Variants in INPP4B observed in about 807,000 individuals in gnomAD.
The protein encoded by INPP4B is inositol polyphosphate 4-phosphatase type II.
Under a neutral mutation model 122.5 loss-of-function variants are expected in INPP4B, and 55 were observed. The observed-to-expected ratio is 0.45, with a 90% CI of 0.36 to 0.56. The LOEUF (loss-of-function observed/expected upper bound fraction) is 0.56. Among genes scored for constraint, INPP4B ranks in the 20% least tolerant of loss-of-function variants. The pLI is 0.00. For synonymous variants in INPP4B, 403 were observed against 388.7 expected (o/e 1.04, Z -0.43); for missense variants, 1,000 against 1,097.7 (o/e 0.91, Z 1.26).
chr4:142,306,534 G>A (rs1763434448), intron 8 of INPP4B, among the ~76,000 whole-genome samples: 1 of 152,138 alleles, frequency 6.6e-6, no homozygotes, highest in Non-Finnish European at 1.5e-5. Context: ...AAGAATTTGA[G>A]GGTAATGGCA....
intron 2 of INPP4B, among the ~76,000 whole-genome samples, chr4:142,554,365 T>TAAAA (rs11363091): frequency 1.6e-5 from 2 of 123,524 alleles, no homozygotes; most frequent in African/African-American, 6.2e-5. Flanking sequence ...CTTGCAATAG[T>TAAAA]AAAAAAAAAA....
At chr4:142,197,087 T>C (rs2636688) in intron 14 of INPP4B, among the ~76,000 whole-genome samples, 16,773 of 123,452 alleles carry the variant, frequency 0.14, 1,301 homozygotes, top group Non-Finnish European at 0.19. Flanking sequence ...GATCGCGCCA[T>C]TGCACTCCAG....
intron 9 of INPP4B, among the ~76,000 whole-genome samples, chr4:142,302,065 A>G (rs1308798832): frequency 1.3e-5 from 2 of 152,150 alleles, no homozygotes; most frequent in Non-Finnish European, 2.9e-5. Flanking sequence ...GGTAGAGCAA[A>G]GGATTGTCAG....
intron 25 of INPP4B, among the ~76,000 whole-genome samples, chr4:142,069,042 C>T (rs953166796): frequency 1.3e-5 from 2 of 152,180 alleles, no homozygotes; most frequent in Admixed American, 1.3e-4. Context: ...CTTCTCAGCA[C>T]CACATCACAC....
intron 2 of INPP4B, among the ~76,000 whole-genome samples, chr4:142,687,580 A>T (rs1278426995): frequency 2.7e-5 from 4 of 150,702 alleles, no homozygotes; most frequent in Non-Finnish European, 4.4e-5. Flanking sequence ...AAAAAAAAAA[A>T]AATCCTTGAA....
rs111681875 is a variant in INPP4B at position 142,540,332 on chromosome 4, G to GTT, written c.-190-77608_-190-77607dup. The stretch of plus-strand genomic sequence containing the variant: ...TATGAAAAGGAGGAAGTTTTTTGGG[G>GTT]TTTTTTTTTTTCACCCAGGCTCAAT... On this transcript the variant is annotated intron_variant, in intron 2 of 25. Coordinates refer to ENST00000262992, the MANE Select transcript of INPP4B (RefSeq NM_001101669.3). Among the ~76,000 whole-genome samples the GTT allele has an allele frequency of 2.8e-4, 41 of 145,958 alleles. 1 individual carries two copies. Among genetic ancestry groups the GTT allele is most frequent in the African/African-American group, 1.0e-3 (40 of 40,046 alleles).
chr4:142,396,430 A>C (rs904288833), intron 7 of INPP4B, among the ~76,000 whole-genome samples: 2 of 152,144 alleles, frequency 1.3e-5, no homozygotes, highest in African/African-American at 4.8e-5. Flanking sequence ...CTTCATACCC[A>C]CTAAAATAGC....
At chr4:142,348,383 A>AT (rs1417924439) in intron 7 of INPP4B, among the ~76,000 whole-genome samples, 1 of 151,876 alleles carries the variant, frequency 6.6e-6, no homozygotes, top group African/African-American at 2.4e-5. Context: ...TAAGGAAAAT[A>AT]TTTTTTTCCA....
In INPP4B at chr4:142,028,531, C is replaced by G; in HGVS notation, c.*251G>C. 2.3e-6 allele frequency: 1 copy of G among 442,284 alleles called. No individual in the cohort carries two copies. Among genetic ancestry groups the G allele is most frequent in the Non-Finnish European group, 4.0e-6 (1 of 248,902 alleles). The allele number at this position is 442,284 out of a possible 1,614,324, so 27.4% of individuals were successfully genotyped here. A position where few individuals can be genotyped will look rare whatever the true frequency, so the allele number is the denominator to read the frequency against. ...TTACACTTTGTGAACCAATCTCAAT[C>G]AGCTAGGCTCAACACATAGAAGCTT... On this transcript the variant is annotated 3_prime_UTR_variant, in exon 26 of 26. Transcript: ENST00000262992.
intron 2 of INPP4B, among the ~76,000 whole-genome samples, chr4:142,725,284 C>T (rs948360905): frequency 3.9e-5 from 6 of 152,022 alleles, no homozygotes; most frequent in Admixed American, 6.6e-5. Flanking sequence ...TAATCAGGCA[C>T]GCTATTCAAC....
intron 2 of INPP4B, among the ~76,000 whole-genome samples, chr4:142,642,950 G>C (rs540851579): frequency 6.6e-6 from 1 of 152,288 alleles, no homozygotes; most frequent in East Asian, 1.9e-4. Flanking sequence ...TCATGGAGCA[G>C]TGGTTTGTAG....
chr4:142,366,456 G>A (rs369328025), intron 7 of INPP4B, among the ~76,000 whole-genome samples: 2 of 152,026 alleles, frequency 1.3e-5, no homozygotes, highest in Middle Eastern at 3.4e-3. Flanking sequence ...ATTAAAAGAC[G>A]CATTGAGTTT....
chr4:142,152,064 T>C (rs1406037493), intron 17 of INPP4B, among the ~76,000 whole-genome samples: 1 of 114,214 alleles, frequency 8.8e-6, no homozygotes, highest in Non-Finnish European at 1.7e-5. Flanking sequence ...TTTTTGTCTT[T>C]TCTTTTTTTT....
intron 1 of INPP4B, among the ~76,000 whole-genome samples, chr4:142,803,309 AT>A (rs1482871030): frequency 6.6e-6 from 1 of 152,090 alleles, no homozygotes; most frequent in Non-Finnish European, 1.5e-5. Flanking sequence ...AGATAGTGTA[AT>A]TTTAAGAATA....
chr4:142,458,065 G>C (rs1815869077), intron 3 of INPP4B, among the ~76,000 whole-genome samples: 1 of 152,042 alleles, frequency 6.6e-6, no homozygotes, highest in Admixed American at 6.6e-5. Flanking sequence ...CAATCCTAAA[G>C]ATCTTCAAAT....
In INPP4B at chr4:142,208,933, C is replaced by T. The variant is rs756159156; in HGVS notation, c.930G>A (p.Met310Ile). The change falls in exon 13 of 26, where the codon ATG becomes ATA. Residue 310 changes from methionine (M) to isoleucine (I), a missense_variant. Met to Ile is a conservative substitution (Grantham distance 10). Coordinates refer to ENST00000262992, the MANE Select transcript of INPP4B (RefSeq NM_001101669.3). Reference protein sequence around the residue: ...VLTHCDQMVNMYQDILTELSK... With the variant: ...VLTHCDQMVNIYQDILTELSK... The stretch of plus-strand genomic sequence containing the variant: ...TAAGTTCTGTCAGAATGTCTTGGTA[C>T]ATATTCACCATTTGATCACAGTGAG... 1 of 1,597,490 alleles carries T rather than the reference C, an allele frequency of 6.3e-7. No individual in the cohort carries two copies. The highest frequency in any genetic ancestry group is 1.3e-5 in the African/African-American group (1 of 74,784).
intron 8 of INPP4B, among the ~76,000 whole-genome samples, chr4:142,313,211 A>T (rs375092945): frequency 2.6e-5 from 4 of 152,296 alleles, no homozygotes; most frequent in African/African-American, 9.6e-5. Flanking sequence ...AATCTACACG[A>T]CTGGGCCAAA....
intron 16 of INPP4B, among the ~76,000 whole-genome samples, chr4:142,171,493 C>A (rs1825619978): frequency 6.6e-6 from 1 of 151,802 alleles, no homozygotes; most frequent in African/African-American, 2.4e-5. Context: ...AAGCTTACAT[C>A]CCACTAATAT....
At chr4:142,388,727 G>T (rs1036147306) in intron 7 of INPP4B, among the ~76,000 whole-genome samples, 3 of 152,088 alleles carry the variant, frequency 2.0e-5, no homozygotes, top group African/African-American at 7.2e-5. Flanking sequence ...TTTAGGGATG[G>T]GCTAATTAAA....
Sources: allele counts gnomAD v4.1 joint callset (sites outside exome capture counted in the v4.1 genomes callset), GRCh38; gene constraint gnomAD v4.1.1; transcripts MANE v1.5; gene names NCBI Gene and HGNC (gene_info 2026-07-23, HGNC 2026-07-21).